Variants in ABCA12 observed in about 807,000 individuals in gnomAD.
ABCA12 encodes ATP binding cassette subfamily A member 12, also known as glucosylceramide transporter ABCA12.
A neutral mutation model predicts 293.5 loss-of-function variants in ABCA12; 156 were observed. That is an observed-to-expected ratio of 0.53 (90% CI 0.47 to 0.61). The LOEUF (loss-of-function observed/expected upper bound fraction) is 0.61. Ranked by LOEUF, ABCA12 falls within the 20% of genes least tolerant of loss-of-function variation. The probability of loss-of-function intolerance (pLI) is 0.00; values close to 1 mark genes in which losing one functional copy is unlikely to be tolerated. For missense variants in ABCA12, 2,797 were observed against 3,090.2 expected (o/e 0.91, Z 2.25); for synonymous variants, 1,063 against 1,108.0 (o/e 0.96, Z 0.81).
intron 1 of ABCA12, among the ~76,000 whole-genome samples, chr2:215,134,350 G>GTATATATGTATATATGTACA (rs1703137156): frequency 1.4e-4 from 19 of 139,010 alleles, no homozygotes; most frequent in African/African-American, 4.3e-4. Context: ...ATGTATATGT[G>GTATATATGTATATATGTACA]TATATATGTA....
At chr2:215,110,494 G>A (rs549688524) in intron 2 of ABCA12, among the ~76,000 whole-genome samples, 5 of 152,304 alleles carry the variant, frequency 3.3e-5, no homozygotes, top group South Asian at 4.2e-4. Flanking sequence ...CAGCCTGGGC[G>A]ACAGAGTGAG....
At chr2:215,121,735 CG>C (rs1702809006) in intron 1 of ABCA12, among the ~76,000 whole-genome samples, 1 of 152,172 alleles carries the variant, frequency 6.6e-6, no homozygotes, top group South Asian at 2.1e-4. Flanking sequence ...ATCATGGGGG[CG>C]GGTCTTTCCT....
chr2:215,039,657 A>C (rs1440272313), intron 7 of ABCA12, among the ~76,000 whole-genome samples: 1 of 152,062 alleles, frequency 6.6e-6, no homozygotes, highest in African/African-American at 2.4e-5. Context: ...TGGGAGGCTG[A>C]GGTAGGAGAA....
intron 1 of ABCA12, among the ~76,000 whole-genome samples, chr2:215,124,676 T>C (rs1008482256): frequency 1.3e-5 from 2 of 152,204 alleles, no homozygotes; most frequent in African/African-American, 2.4e-5. Flanking sequence ...GCTGATCAAT[T>C]TGAGTTCATT....
Position 214,948,602 on chromosome 2 carries a change from A to G in ABCA12, c.7098T>C (p.Ile2366=). 6.2e-7 allele frequency: 1 copy of G among 1,613,988 alleles called. No individual in the cohort carries two copies. ...TTTTCACACTTGTACTCACTTCTTT[A>G]ATATCCTTTTCTGGAATTCCATGTA... The part of the protein sequence containing the change: ...ARVHGIPEKD[I]KETVHKLLRR... Residue 2366 remains isoleucine, a synonymous_variant, in exon 47 of 53, where the codon ATT becomes ATC. Transcript: ENST00000272895.
rs952709501 is a variant in ABCA12, at chr2:215,025,836, C to T, written c.1181-57G>A. 19 of 1,288,596 alleles carry T rather than the reference C, an allele frequency of 1.5e-5. No homozygotes were observed. The African/African-American group carries it at 2.2e-4, about 15-fold the overall frequency. The allele number at this position is 1,288,596 out of a possible 1,614,324, so 79.8% of individuals were successfully genotyped here. A position where few individuals can be genotyped will look rare whatever the true frequency, so the allele number is the denominator to read the frequency against. On this transcript the variant is annotated intron_variant, in intron 10 of 52. Transcript: ENST00000272895. ...TGAATTGCAAGGTCATTTAGGAAAC[C>T]AGTTTGAAAGACACCTCTATCCTGA...
chr2:214,982,212 C>T lies in ABCA12; in HGVS notation c.4554G>A (p.Trp1518Ter). ...CAGTTTTGTTCTTGGATATAACATC[C>T]CATATACTTCGGCGAGAACATGGGT... ...GVDPCSRRSIWDVISKNKTAR... is the reference protein window; with the variant it reads ...GVDPCSRRSI Residue 1518 changes from tryptophan to a stop codon, truncating the protein, a stop_gained, in exon 30 of 53, where the codon TGG (tryptophan) becomes TGA (stop). Coordinates refer to ENST00000272895, the MANE Select transcript of ABCA12 (RefSeq NM_173076.3). LOFTEE classifies it high-confidence loss of function. 1 of 1,613,810 alleles carries T rather than the reference C, an allele frequency of 6.2e-7. No homozygotes were observed. The highest frequency in any genetic ancestry group is 8.5e-7 in the Non-Finnish European group (1 of 1,179,934).
At chr2:215,069,652 A>G (rs1477370685) in intron 2 of ABCA12, among the ~76,000 whole-genome samples, 1 of 152,148 alleles carries the variant, frequency 6.6e-6, no homozygotes, top group Non-Finnish European at 1.5e-5. Flanking sequence ...TTGAGGGATC[A>G]GTCTACTTAC....
intron 2 of ABCA12, among the ~76,000 whole-genome samples, chr2:215,075,950 T>C (rs189595382): frequency 1.0e-3 from 159 of 152,340 alleles, no homozygotes; most frequent in South Asian, 2.3e-3. Flanking sequence ...TCACTCGGGA[T>C]GCTCGAAGTC....
Position 214,982,439 on chromosome 2 carries a change from G to A in ABCA12, c.4383-56C>T, listed in dbSNP as rs1699690461. The A allele has an allele frequency of 7.6e-6, 11 of 1,453,716 alleles. No homozygotes were observed. The Admixed American group carries it at 1.8e-4, about 24-fold the overall frequency. 90.1% of individuals were successfully genotyped at this position (1,453,716 alleles called of 1,614,324 possible). A position where few individuals can be genotyped will look rare whatever the true frequency, so the allele number is the denominator to read the frequency against. ...TTACAGATATACTATTTGAGTACTG[G>A]AAACATACAATAACCCTAATTGATA... On this transcript the variant is annotated intron_variant, in intron 29 of 52. Transcript: ENST00000272895.
Position 215,024,094 on chromosome 2 carries a change from G to A in ABCA12, c.1287+1579C>T, listed in dbSNP as rs538213170. Among the ~76,000 whole-genome samples the A allele has an allele frequency of 2.0e-5, 3 of 152,216 alleles. No individual in the cohort carries two copies. In the East Asian group the frequency reaches 5.8e-4, roughly 29 times the overall value. ...TCTTAAACTCAGGACTCTATGTCTA[G>A]AATGCACAACTAACCTAATTCTATG... On this transcript the variant is annotated intron_variant, in intron 11 of 52. Coordinates refer to ENST00000272895, the MANE Select transcript of ABCA12 (RefSeq NM_173076.3).
At chr2:214,980,719 G>T in intron 30 of ABCA12, 76 bp from the exon 31 acceptor site, 1 of 1,571,856 alleles carries the variant, frequency 6.4e-7, no homozygotes, top group Non-Finnish European at 8.7e-7. Context: ...GTTGGCCAGA[G>T]TAAATCCTGT....
chr2:215,052,617 A>G, intron 4 of ABCA12, 33 bp from the exon 5 acceptor site: 1 of 1,211,494 alleles, frequency 8.3e-7, no homozygotes, highest in Non-Finnish European at 1.2e-6. Flanking sequence ...TTAGCATTCC[A>G]CACACACACA....
At chr2:215,035,283 G>GA (rs1263508905) in intron 8 of ABCA12, among the ~76,000 whole-genome samples, 4 of 152,146 alleles carry the variant, frequency 2.6e-5, no homozygotes, top group African/African-American at 7.2e-5. Context: ...AATTTAAAAA[G>GA]AAACAAAAGG....
At chr2:215,093,401 A>C in intron 2 of ABCA12, among the ~76,000 whole-genome samples, 1 of 150,608 alleles carries the variant, frequency 6.6e-6, no homozygotes, top group African/African-American at 2.4e-5. Context: ...TCCCTTCCCC[A>C]CTCCCCTTTC....
chr2:214,959,946 T>G (rs1402392296), intron 39 of ABCA12, among the ~76,000 whole-genome samples: 1 of 152,128 alleles, frequency 6.6e-6, no homozygotes, highest in Admixed American at 6.6e-5. Context: ...TGAAGAAAGC[T>G]CCTAAATACT....
At chr2:215,016,581 T>TAAAAAAAAAA (rs1328873832) in intron 14 of ABCA12, among the ~76,000 whole-genome samples, 1 of 2,384 alleles carries the variant, frequency 4.2e-4, no homozygotes, top group Non-Finnish European at 8.4e-4. Flanking sequence ...TGACTCTGTC[T>TAAAAAAAAAA]CAAAAAAAAA....
intron 11 of ABCA12, among the ~76,000 whole-genome samples, chr2:215,024,378 TA>T (rs1006566564): frequency 1.3e-5 from 2 of 151,992 alleles, no homozygotes; most frequent in African/African-American, 4.8e-5. Context: ...ATATAATTGA[TA>T]AAAAAATGAA....
chr2:214,943,545 C>T (rs952091577), intron 49 of ABCA12, among the ~76,000 whole-genome samples: 21 of 152,134 alleles, frequency 1.4e-4, no homozygotes, highest in African/African-American at 5.1e-4. Flanking sequence ...GGGTTTATTA[C>T]TGTTTCTTCT....
Sources: allele counts gnomAD v4.1 joint callset (sites outside exome capture counted in the v4.1 genomes callset), GRCh38; gene constraint gnomAD v4.1.1; transcripts MANE v1.5; gene names NCBI Gene and HGNC (gene_info 2026-07-23, HGNC 2026-07-21).